Variants in ZNF326 observed in about 807,000 individuals in gnomAD.
The protein encoded by ZNF326 is DBIRD complex subunit ZNF326.
In ZNF326, 30 loss-of-function variants were observed where a neutral mutation model predicts 63.1. That is an observed-to-expected ratio of 0.48 (90% CI 0.36 to 0.64). ZNF326 has a LOEUF of 0.64. Among genes scored for constraint, ZNF326 ranks in the 30% least tolerant of loss-of-function variants. The probability of loss-of-function intolerance (pLI) is 0.00; values close to 1 mark genes in which losing one functional copy is unlikely to be tolerated. For missense variants in ZNF326, 609 were observed against 720.3 expected, an observed-to-expected ratio of 0.85 and a Z score of 1.77; for synonymous variants, 194 against 228.2, an observed-to-expected ratio of 0.85 and a Z score of 1.35.
rs114876642 is a variant in ZNF326 at position 90,011,672 on chromosome 1, A to G, written c.814+1386A>G. Among the ~76,000 whole-genome samples, 219 of 152,232 alleles carry G rather than the reference A, an allele frequency of 1.4e-3. 3 individuals carry two copies. Among genetic ancestry groups the G allele is most frequent in the African/African-American group, 5.1e-3 (213 of 41,528 alleles). ...AGGATATGGAGAAATTGAAACCCTC[A>G]CACATTACTGATGGGAATGTAAAGC... On this transcript the variant is annotated intron_variant, in intron 6 of 11. Transcript: ENST00000340281.
At chr1:90,017,941 T>TGTTGATTGTAC in intron 8 of ZNF326, among the ~76,000 whole-genome samples, 1 of 152,314 alleles carries the variant, frequency 6.6e-6, no homozygotes, top group East Asian at 1.9e-4. Context: ...TGAGCTGGAC[T>TGTTGATTGTAC]GTTGATTGTA....
At chr1:90,012,999 T>A in intron 6 of ZNF326, 127 bp from the exon 7 acceptor site, 1 of 644,862 alleles carries the variant, frequency 1.6e-6, no homozygotes, top group Non-Finnish European at 2.4e-6. Flanking sequence ...CCGATTTTTT[T>A]GGTGAGTTCA....
Position 90,034,736 on chromosome 1 carries a change from T to A in ZNF326, c.*7035T>A, listed in dbSNP as rs999694999. On this transcript the variant is annotated 3_prime_UTR_variant, in exon 12 of 12. Coordinates refer to ENST00000340281, the MANE Select transcript of ZNF326 (RefSeq NM_182976.4). The stretch of plus-strand genomic sequence containing the variant: ...TTATTTTATTTAAGCAGTTCTAGAT[T>A]ATACAAAATGTTGAAACATCTCAAT... 1 of 152,170 alleles carries A rather than the reference T, an allele frequency of 6.6e-6. No individual in the cohort carries two copies. Among genetic ancestry groups the A allele is most frequent in the Non-Finnish European group, 1.5e-5 (1 of 68,008 alleles). The allele number at this position is 152,170 out of a possible 1,614,324, so 9.4% of individuals were successfully genotyped here. A position where few individuals can be genotyped will look rare whatever the true frequency, so the allele number is the denominator to read the frequency against.
In ZNF326 at chr1:90,007,657, G is replaced by T. The variant is rs1168765074; in HGVS notation, c.522G>T (p.Gly174=). 6.5e-7 allele frequency: 1 copy of T among 1,535,442 alleles called. No homozygotes were observed. The highest frequency in any genetic ancestry group is 8.7e-7 in the Non-Finnish European group (1 of 1,142,918). Residue 174 remains glycine, a synonymous_variant, in exon 5 of 12, where the codon GGG becomes GGT. Coordinates refer to ENST00000340281, the MANE Select transcript of ZNF326 (RefSeq NM_182976.4). The surrounding 1 kb of genome is among the most constrained non-coding windows in gnomAD (Gnocchi z 4.9). ...AGCCTGCACCTGTAGGCTCTCGGGG[G>T]AGAGGAACGCCTGCTTATCCTGAAA... ...HMKPAPVGSR[G]RGTPAYPEST...
At position 90,013,164 on chromosome 1, in the gene ZNF326, C is replaced by T. The variant is rs781327217; in HGVS notation, c.853C>T (p.Arg285Ter). Residue 285 changes from arginine (R) to a stop codon, truncating the protein, a stop_gained, in exon 7 of 12, where the codon CGA (arginine) becomes TGA (stop). Transcript: ENST00000340281. LOFTEE classifies it high-confidence loss of function. Reference protein sequence around the residue: ...DPKNEEEEKRRIEARREKQRR... With the variant: ...DPKNEEEEKR The stretch of plus-strand genomic sequence containing the variant: ...TAAAAATGAAGAGGAAGAAAAGCGG[C>T]GAATTGAGGCTCGGCGAGAGAAACA... The T allele has an allele frequency of 2.5e-6, 4 of 1,611,846 alleles. No homozygotes were observed. Among genetic ancestry groups the T allele is most frequent in the Non-Finnish European group, 2.5e-6 (3 of 1,179,008 alleles).
rs201849409 is a variant in ZNF326, at chr1:90,005,233, T to G, written c.198T>G (p.Gly66=). 2 of 1,612,464 alleles carry G rather than the reference T, an allele frequency of 1.2e-6. No individual in the cohort carries two copies. The highest frequency in any genetic ancestry group is 1.7e-6 in the Non-Finnish European group (2 of 1,179,476). Residue 66 remains glycine, a synonymous_variant, in exon 4 of 12, where the codon GGT becomes GGG. Coordinates refer to ENST00000340281, the MANE Select transcript of ZNF326 (RefSeq NM_182976.4). The part of the protein sequence containing the change: ...SYGMDNHSGG[G]GGSRFGPYES... Reference sequence around the variant, plus strand: ...GCATGGACAATCACAGTGGTGGTGGTGGGGGTAGCAGGTAAATTGCTTAAT... The same window carrying G: ...GCATGGACAATCACAGTGGTGGTGGGGGGGGTAGCAGGTAAATTGCTTAAT...
At chr1:90,016,233 A>G (rs1649496792) in intron 7 of ZNF326, among the ~76,000 whole-genome samples, 1 of 152,092 alleles carries the variant, frequency 6.6e-6, no homozygotes, top group East Asian at 1.9e-4. Flanking sequence ...AAACCAAGTC[A>G]AGTAACTTGC....
At chr1:90,005,108 C>CTTT in intron 3 of ZNF326, 25 bp from the exon 4 acceptor site, 3 of 1,613,726 alleles carry the variant, frequency 1.9e-6, no homozygotes, top group Non-Finnish European at 2.5e-6. Flanking sequence ...CATCATATAA[C>CTTT]TTTTTTCTTT....
Position 89,995,211 on chromosome 1 carries a change from A to G in ZNF326, c.-47A>G, listed in dbSNP as rs775748875. On this transcript the variant is annotated 5_prime_UTR_variant, in exon 1 of 12. Transcript: ENST00000340281. ...GGGTCGCGGACGCTCGCCGCCGGCC[A>G]TAGCTCAGCCTAGCGCCGCCAAGGC... 3.9e-6 allele frequency: 6 copies of G among 1,533,348 alleles called. No homozygotes were observed. The highest frequency in any genetic ancestry group is 2.0e-5 in the Admixed American group (1 of 50,334). The allele number at this position is 1,533,348 out of a possible 1,614,324, so 95.0% of individuals were successfully genotyped here. A position where few individuals can be genotyped will look rare whatever the true frequency, so the allele number is the denominator to read the frequency against.
chr1:90,015,779 G>A (rs1434357972), intron 7 of ZNF326, among the ~76,000 whole-genome samples: 1 of 152,184 alleles, frequency 6.6e-6, no homozygotes, highest in African/African-American at 2.4e-5. Context: ...TACAGGAGGA[G>A]TTGTGAGAGG....
At chr1:89,996,179 G>A (rs2101043436) in intron 1 of ZNF326, among the ~76,000 whole-genome samples, 1 of 152,298 alleles carries the variant, frequency 6.6e-6, no homozygotes, top group Non-Finnish European at 1.5e-5. Flanking sequence ...TTGGTGTCAA[G>A]ATAAAGTGGT....
In ZNF326 at chr1:90,033,401, G is replaced by GA. The variant is rs560722704; in HGVS notation, c.*5706dup. 15 of 151,856 alleles carry GA rather than the reference G, an allele frequency of 9.9e-5. No homozygotes were observed. The highest frequency in any genetic ancestry group is 3.6e-4 in the African/African-American group (15 of 41,368). 9.4% of individuals were successfully genotyped at this position (151,856 alleles called of 1,614,324 possible). A position where few individuals can be genotyped will look rare whatever the true frequency, so the allele number is the denominator to read the frequency against. ...AATTCCTGGGGAAACAATTCAGGGG[G>GA]AAAAAATGACCAAGTATAATTAGTA... On this transcript the variant is annotated 3_prime_UTR_variant, in exon 12 of 12. Transcript: ENST00000340281.
chr1:90,012,851 A>G (rs1406459100), intron 6 of ZNF326, among the ~76,000 whole-genome samples: 1 of 152,174 alleles, frequency 6.6e-6, no homozygotes, highest in African/African-American at 2.4e-5. Flanking sequence ...GGATAGGACA[A>G]ATGAGCACAT....
At chr1:90,015,491 G>T (rs1056912380) in intron 7 of ZNF326, among the ~76,000 whole-genome samples, 1 of 152,088 alleles carries the variant, frequency 6.6e-6, no homozygotes. Context: ...ACCAGCTTGG[G>T]CAACATGGTG....
chr1:90,007,366 C>G lies in ZNF326; in HGVS notation c.231C>G (p.Tyr77Ter), dbSNP rs763065241. The change falls in exon 5 of 12, where the codon TAC becomes TAG. Residue 77 changes from tyrosine to a stop codon, truncating the protein, a stop_gained. Transcript: ENST00000340281. LOFTEE classifies it high-confidence loss of function. The surrounding 1 kb of genome is among the most constrained non-coding windows in gnomAD (Gnocchi z 4.9). ...CCAGGTTTGGACCTTATGAGTCTTA[C>G]GACTCCAGGTCTTCTCTGGGTGGGC... The part of the protein sequence containing the change: ...GGSRFGPYES[Y>*]DSRSSLGGRD... 6.2e-7 allele frequency: 1 copy of G among 1,610,872 alleles called. No homozygotes were observed. Among genetic ancestry groups the G allele is most frequent in the Non-Finnish European group, 8.5e-7 (1 of 1,178,420 alleles).
At chr1:90,014,494 C>T (rs1230258930) in intron 7 of ZNF326, among the ~76,000 whole-genome samples, 1 of 151,966 alleles carries the variant, frequency 6.6e-6, no homozygotes, top group Admixed American at 6.6e-5. Context: ...TAATAGTATG[C>T]CATTTTATTA....
In ZNF326 at chr1:89,998,134, A is replaced by G. The variant is rs750518508; in HGVS notation, c.41A>G (p.Asn14Ser). The G allele has an allele frequency of 5.6e-6, 9 of 1,613,268 alleles. No homozygotes were observed. Among genetic ancestry groups the G allele is most frequent in the Admixed American group, 3.3e-5 (2 of 59,916 alleles). The change falls in exon 2 of 12, where the codon AAT (asparagine) becomes AGT (serine). Residue 14 changes from asparagine (N) to serine (S), a missense_variant. Asn to Ser is a conservative substitution (Grantham distance 46). Coordinates refer to ENST00000340281, the MANE Select transcript of ZNF326 (RefSeq NM_182976.4). ...GATTACACACACTCCGCCTGCAGGA[A>G]TACTTATCAGGGCTTTAATGGTAAG... ...EDDYTHSACR[N>S]TYQGFNGMDR...
At chr1:89,999,205 G>A (rs1278208623) in intron 2 of ZNF326, among the ~76,000 whole-genome samples, 1 of 152,136 alleles carries the variant, frequency 6.6e-6, no homozygotes, top group East Asian at 1.9e-4. Flanking sequence ...GATAGTAGTA[G>A]TAATCTTAAA....
Position 90,028,067 on chromosome 1 carries a change from T to C in ZNF326, c.*366T>C, listed in dbSNP as rs1650106760. 1 of 203,672 alleles carries C rather than the reference T, an allele frequency of 4.9e-6. No individual in the cohort carries two copies. The highest frequency in any genetic ancestry group is 5.3e-5 in the Admixed American group (1 of 18,778). The allele number at this position is 203,672 out of a possible 1,614,324, so 12.6% of individuals were successfully genotyped here. A position where few individuals can be genotyped will look rare whatever the true frequency, so the allele number is the denominator to read the frequency against. On this transcript the variant is annotated 3_prime_UTR_variant, in exon 12 of 12. Transcript: ENST00000340281. ...GAATATTCAAGTGTGCATCAATTTT[T>C]TGAATACTTACCCTGGAAGATATAA...
Sources: gnomAD v4.1 joint callset for allele counts (sites outside exome capture counted in the v4.1 genomes callset) on GRCh38, gnomAD v4.1.1 for gene constraint, Gnocchi (gnomAD v3.1) non-coding constraint, MANE v1.5 for transcripts, NCBI Gene and HGNC (gene_info 2026-07-23, HGNC 2026-07-21) for gene names.